The following FRMPD4 variants were observed in gnomAD, a reference collection of about 807,000 sequenced individuals.
FRMPD4 encodes the protein FERM and PDZ domain-containing protein 4.
In FRMPD4, 22 loss-of-function variants were observed where a neutral mutation model predicts 94.1. The ratio of observed to expected loss-of-function variants is 0.23; its 90% CI spans 0.17 to 0.33. The LOEUF is 0.33. FRMPD4 is among the 10% of genes least tolerant of loss of function. The probability of loss-of-function intolerance (pLI) is 1.00; values close to 1 mark genes in which losing one functional copy is unlikely to be tolerated. For synonymous variants in FRMPD4, 631 were observed against 548.6 expected (o/e 1.15, Z -2.10); for missense variants, 1,111 against 1,339.9 (o/e 0.83, Z 2.67).
At chrX:12,626,508 A>G (rs769373351) in intron 4 of FRMPD4, among the ~76,000 whole-genome samples, 14 of 105,152 alleles carry the variant, frequency 1.3e-4, no homozygotes, top group African/African-American at 4.9e-4. Context: ...ACCAGGACCT[A>G]GTGGTCCAAA....
intron 1 of FRMPD4, among the ~76,000 whole-genome samples, chrX:12,292,465 A>C (rs1342687500): frequency 9.0e-6 from 1 of 110,985 alleles, no homozygotes; most frequent in Non-Finnish European, 1.9e-5. Flanking sequence ...TTCTACCACC[A>C]TTTTATAATG....
At chrX:12,418,152 G>A (rs2056832901) in intron 1 of FRMPD4, among the ~76,000 whole-genome samples, 1 of 109,487 alleles carries the variant, frequency 9.1e-6, no homozygotes, top group African/African-American at 3.3e-5. Context: ...CTTCAAAAAA[G>A]TTTGAGAGGA....
intron 1 of FRMPD4, among the ~76,000 whole-genome samples, chrX:12,211,373 G>C (rs2056754077): frequency 8.9e-6 from 1 of 112,044 alleles, no homozygotes. Flanking sequence ...TTATAGATCT[G>C]TTTACTAGCC....
chrX:12,472,575 G>A (rs909468163), intron 1 of FRMPD4, among the ~76,000 whole-genome samples: 1 of 111,290 alleles, frequency 9.0e-6, no homozygotes, highest in Non-Finnish European at 1.9e-5. Flanking sequence ...AAAAAGATTA[G>A]ACAAATGGCT....
intron 4 of FRMPD4, among the ~76,000 whole-genome samples, chrX:12,639,999 T>C (rs1234055303): frequency 9.0e-6 from 1 of 111,537 alleles, no homozygotes; most frequent in African/African-American, 3.3e-5. Context: ...TTTTCATTTG[T>C]TTAAAAGGTA....
At chrX:12,335,393 G>A (rs1466814068) in intron 1 of FRMPD4, among the ~76,000 whole-genome samples, 1 of 111,789 alleles carries the variant, frequency 8.9e-6, no homozygotes, top group East Asian at 2.8e-4. Context: ...CTCCCACAGT[G>A]CTGGGATTAC....
intron 1 of FRMPD4, among the ~76,000 whole-genome samples, chrX:12,359,615 A>G (rs2055953018): frequency 9.1e-6 from 1 of 110,147 alleles, no homozygotes; most frequent in African/African-American, 3.3e-5. Flanking sequence ...GATTACAGGC[A>G]TGCGTCACCA....
At chrX:11,829,301 G>A (rs986878595) in intron 1 of FRMPD4, among the ~76,000 whole-genome samples, 11 of 111,842 alleles carry the variant, frequency 9.8e-5, no homozygotes, top group Admixed American at 9.5e-5. Context: ...ATAATATACT[G>A]GCAGAGATAA....
chrX:12,576,853 C>T (rs1038918498), intron 2 of FRMPD4, among the ~76,000 whole-genome samples: 2 of 111,738 alleles, frequency 1.8e-5, no homozygotes, highest in Non-Finnish European at 3.8e-5. Context: ...TTCTCTCTGC[C>T]GTAGGGAAAG....
intron 3 of FRMPD4, among the ~76,000 whole-genome samples, chrX:11,993,449 C>T (rs2054476999): frequency 8.9e-6 from 1 of 112,011 alleles, no homozygotes; most frequent in Non-Finnish European, 1.9e-5. Context: ...TATCCCCCTG[C>T]CAGTTGTGAC....
intron 2 of FRMPD4, among the ~76,000 whole-genome samples, chrX:12,537,428 A>G (rs1366540376): frequency 9.3e-6 from 1 of 107,988 alleles, no homozygotes; most frequent in Non-Finnish European, 1.9e-5. Context: ...GTATATGTGT[A>G]TTCCAACAAT....
rs151336538 is a variant in FRMPD4, at chrX:12,379,090, A to G, written c.42-119590A>G. The stretch of plus-strand genomic sequence containing the variant: ...ATTCCTTTCTAAAGATATATAGTTT[A>G]CCACATTCCTTAGGGGGCAATCTTG... On this transcript the variant is annotated intron_variant, in intron 1 of 16. Transcript: ENST00000675598. Among the ~76,000 whole-genome samples, 637 of 112,191 alleles carry G rather than the reference A, an allele frequency of 5.7e-3. 5 individuals are homozygous for G. Among genetic ancestry groups the G allele is most frequent in the Non-Finnish European group, 7.6e-3 (406 of 53,258 alleles).
At chrX:12,326,311 T>G in intron 1 of FRMPD4, among the ~76,000 whole-genome samples, 1 of 112,081 alleles carries the variant, frequency 8.9e-6, no homozygotes, top group Non-Finnish European at 1.9e-5. Context: ...GCAGAGAGAC[T>G]CAATGATGGG....
chrX:11,836,334 C>T (rs1409303952), intron 1 of FRMPD4, among the ~76,000 whole-genome samples: 6 of 111,769 alleles, frequency 5.4e-5, no homozygotes, highest in Non-Finnish European at 1.1e-4. Flanking sequence ...AGATAAAGGA[C>T]TACTGAGATT....
chrX:12,541,205 T>C (rs1196090647), intron 2 of FRMPD4, among the ~76,000 whole-genome samples: 6 of 111,167 alleles, frequency 5.4e-5, no homozygotes, highest in East Asian at 5.6e-4. Context: ...CAAACACATT[T>C]AAAAGCTAGC....
At chrX:12,696,786 T>G in intron 9 of FRMPD4, among the ~76,000 whole-genome samples, 1 of 111,829 alleles carries the variant, frequency 8.9e-6, no homozygotes, top group Admixed American at 9.5e-5. Context: ...TTCAAAACAT[T>G]TGTAATCTTC....
chrX:12,576,554 T>G (rs2148369977), intron 2 of FRMPD4, among the ~76,000 whole-genome samples: 1 of 112,841 alleles, frequency 8.9e-6, no homozygotes, highest in Admixed American at 9.3e-5. Flanking sequence ...TTCAAGACAG[T>G]ACCCTCAGGC....
chrX:12,137,269 G>A (rs2147559536), upstream of FRMPD4, among the ~76,000 whole-genome samples: 1 of 112,406 alleles, frequency 8.9e-6, no homozygotes, highest in South Asian at 3.7e-4. Flanking sequence ...TTTAGATTTT[G>A]CAGATTGCTA....
At chrX:12,617,420 C>T (rs2059246688) in intron 4 of FRMPD4, among the ~76,000 whole-genome samples, 1 of 111,965 alleles carries the variant, frequency 8.9e-6, no homozygotes, top group South Asian at 3.7e-4. Context: ...GGCTCACAAC[C>T]TTTTCACTCT....
Sources: gnomAD v4.1 joint callset for allele counts (sites outside exome capture counted in the v4.1 genomes callset) on GRCh38, gnomAD v4.1.1 for gene constraint, MANE v1.5 for transcripts, NCBI Gene and HGNC (gene_info 2026-07-23, HGNC 2026-07-21) for gene names.